Variants in DSCAM observed in about 807,000 individuals in gnomAD.
The protein encoded by DSCAM is DS cell adhesion molecule.
In DSCAM, 47 loss-of-function variants were observed where a neutral mutation model predicts 217.7. That is an observed-to-expected ratio of 0.22 (90% CI 0.17 to 0.28). The LOEUF (loss-of-function observed/expected upper bound fraction) is 0.28. Among genes scored for constraint, DSCAM ranks in the 10% least tolerant of loss-of-function variants. The pLI, the probability that DSCAM is intolerant of heterozygous loss-of-function variation, is 1.00. For synonymous variants in DSCAM, 1,056 were observed against 1,015.3 expected (o/e 1.04, Z -0.76); for missense variants, 2,080 against 2,618.3 (o/e 0.79, Z 4.49).
intron 10 of DSCAM, among the ~76,000 whole-genome samples, chr21:40,295,641 C>T (rs1745252654): frequency 1.3e-5 from 2 of 152,096 alleles, no homozygotes; most frequent in South Asian, 4.1e-4. Flanking sequence ...CTTTCTAAAC[C>T]CACTCATCTC....
chr21:40,720,353 T>C (rs939177661), intron 1 of DSCAM, among the ~76,000 whole-genome samples: 6 of 152,164 alleles, frequency 3.9e-5, no homozygotes, highest in African/African-American at 1.4e-4. Context: ...GATAAATGCT[T>C]AGAAATTCAG....
intron 3 of DSCAM, among the ~76,000 whole-genome samples, chr21:40,382,365 G>A (rs1231184691): frequency 2.0e-5 from 3 of 151,968 alleles, no homozygotes; most frequent in African/African-American, 7.3e-5. Context: ...AGTATATCTT[G>A]TATCATTTCC....
At chr21:40,702,098 T>C (rs955428933) in intron 2 of DSCAM, among the ~76,000 whole-genome samples, 8 of 152,194 alleles carry the variant, frequency 5.3e-5, no homozygotes, top group Non-Finnish European at 5.9e-5. Flanking sequence ...ACTTTATGTA[T>C]TTTGAAGTTT....
At chr21:40,413,104 G>A (rs1483036346) in intron 3 of DSCAM, among the ~76,000 whole-genome samples, 2 of 152,234 alleles carry the variant, frequency 1.3e-5, no homozygotes, top group African/African-American at 2.4e-5. Flanking sequence ...AACATGTATG[G>A]AAATGCCTGG....
At chr21:40,018,681 G>T (rs2088208582) in intron 32 of DSCAM, among the ~76,000 whole-genome samples, 1 of 152,168 alleles carries the variant, frequency 6.6e-6, no homozygotes. Context: ...CAAAAGATAG[G>T]ACTCATAATA....
At chr21:40,450,552 A>C (rs560535446) in intron 3 of DSCAM, among the ~76,000 whole-genome samples, 1 of 152,362 alleles carries the variant, frequency 6.6e-6, no homozygotes, top group African/African-American at 2.4e-5. Context: ...ATGGACAATG[A>C]CTTCAGAACA....
intron 3 of DSCAM, among the ~76,000 whole-genome samples, chr21:40,453,212 A>G (rs2075736277): frequency 6.6e-6 from 1 of 152,146 alleles, no homozygotes; most frequent in South Asian, 2.1e-4. Flanking sequence ...TTCTGACTTT[A>G]TAGGATTAAT....
chr21:40,096,611 G>A (rs917583223), intron 20 of DSCAM, among the ~76,000 whole-genome samples: 7 of 152,036 alleles, frequency 4.6e-5, no homozygotes, highest in South Asian at 2.1e-4. Context: ...CCAAAAAAAG[G>A]TTGTAAAAAT....
chr21:40,260,443 C>CTTGCCA (rs1243588559), intron 11 of DSCAM, among the ~76,000 whole-genome samples: 1 of 152,224 alleles, frequency 6.6e-6, no homozygotes, highest in Non-Finnish European at 1.5e-5. Flanking sequence ...AGCATGGACA[C>CTTGCCA]TTGCCATGAC....
At chr21:40,247,966 C>A (rs994239537) in intron 11 of DSCAM, among the ~76,000 whole-genome samples, 1 of 152,202 alleles carries the variant, frequency 6.6e-6, no homozygotes. Flanking sequence ...TTCTGTGCAC[C>A]CACAGGCTCA....
At chr21:40,182,589 G>GGGGCCAGCAGAGAAACCGTGGACAGAAC (rs1412957740) in intron 14 of DSCAM, among the ~76,000 whole-genome samples, 2 of 146,354 alleles carry the variant, frequency 1.4e-5, no homozygotes, top group Non-Finnish European at 3.0e-5. Context: ...GTGGACAGGA[G>GGGGCCAGCAGAGAAACCGTGGACAGAAC]GGGCCAGCAG....
At chr21:40,779,062 G>A (rs894676257) in intron 1 of DSCAM, among the ~76,000 whole-genome samples, 14 of 142,444 alleles carry the variant, frequency 9.8e-5, no homozygotes, top group African/African-American at 2.8e-4. Context: ...AAAAAAAAGA[G>A]TGTGAGTAGA....
chr21:40,056,522 G>A (rs370061008), intron 28 of DSCAM, among the ~76,000 whole-genome samples: 5 of 150,738 alleles, frequency 3.3e-5, no homozygotes, highest in Non-Finnish European at 7.4e-5. Flanking sequence ...TGGTAGAATC[G>A]GATTCAGTTA....
intron 3 of DSCAM, 72 bp downstream of exon 3, chr21:40,692,738 C>G (rs558013744): frequency 1.0e-5 from 16 of 1,528,938 alleles, no homozygotes; most frequent in Admixed American, 1.8e-5. Context: ...AACGGAGACC[C>G]GATTCCATCT....
At chr21:40,586,428 A>G (rs2076947639) in intron 3 of DSCAM, among the ~76,000 whole-genome samples, 1 of 152,238 alleles carries the variant, frequency 6.6e-6, no homozygotes, top group African/African-American at 2.4e-5. Context: ...GATTAAGGAA[A>G]ATGACAACAC....
chr21:40,226,402 T>A (rs899776873), intron 11 of DSCAM, among the ~76,000 whole-genome samples: 4 of 152,180 alleles, frequency 2.6e-5, no homozygotes, highest in Non-Finnish European at 5.9e-5. Context: ...TGATAATAGC[T>A]CAGTTCACTT....
chr21:40,363,764 T>G (rs1158648758), intron 4 of DSCAM, among the ~76,000 whole-genome samples: 1 of 152,038 alleles, frequency 6.6e-6, no homozygotes, highest in East Asian at 1.9e-4. Context: ...AGGAGAAAAT[T>G]TTTGCAATCT....
chr21:40,366,927 A>G (rs188785209), intron 4 of DSCAM, among the ~76,000 whole-genome samples: 1 of 152,174 alleles, frequency 6.6e-6, no homozygotes, highest in Admixed American at 6.5e-5. Flanking sequence ...CATAGGATGG[A>G]ATTCTCTAGG....
chr21:40,031,162 T>C (rs372762211), intron 32 of DSCAM, among the ~76,000 whole-genome samples: 4 of 152,170 alleles, frequency 2.6e-5, no homozygotes, highest in African/African-American at 2.4e-5. Context: ...GTTCTAATCA[T>C]TGCGAAATCC....
Sources: allele counts gnomAD v4.1 joint callset (sites outside exome capture counted in the v4.1 genomes callset), GRCh38; gene constraint gnomAD v4.1.1; transcripts MANE v1.5; gene names NCBI Gene and HGNC (gene_info 2026-07-23, HGNC 2026-07-21).